The following CSMD1 variants were observed in gnomAD, a reference collection of about 807,000 sequenced individuals.
CSMD1 encodes CUB and sushi domain-containing protein 1.
A neutral mutation model predicts 417.5 loss-of-function variants in CSMD1; 213 were observed. The ratio of observed to expected loss-of-function variants is 0.51; its 90% confidence interval spans 0.46 to 0.57. The LOEUF is 0.57. CSMD1 is among the 20% of genes least tolerant of loss of function. The probability of loss-of-function intolerance (pLI) is 0.00; values close to 1 mark genes in which losing one functional copy is unlikely to be tolerated. For synonymous variants in CSMD1, 2,862 were observed against 1,736.8 expected (o/e 1.65, Z -16.11); for missense variants, 6,923 against 4,529.7 (o/e 1.53, Z -15.17).
intron 1 of CSMD1, among the ~76,000 whole-genome samples, chr8:4,937,376 G>A (rs1418751604): frequency 2.0e-5 from 3 of 152,146 alleles, no homozygotes; most frequent in Non-Finnish European, 4.4e-5. Flanking sequence ...ACTTGATGTA[G>A]TGTATTCTTT....
At chr8:4,161,373 G>C (rs947141742) in intron 3 of CSMD1, among the ~76,000 whole-genome samples, 7 of 152,208 alleles carry the variant, frequency 4.6e-5, no homozygotes, top group Admixed American at 1.3e-4. Context: ...CAGGCTTTCA[G>C]CCACAGAATT....
chr8:3,887,651 C>A (rs1470027112), intron 5 of CSMD1, among the ~76,000 whole-genome samples: 1 of 152,148 alleles, frequency 6.6e-6, no homozygotes, highest in Non-Finnish European at 1.5e-5. Context: ...CTGTTCCACA[C>A]CTAGAGTTAA....
At chr8:4,050,004 G>C (rs899761431) in intron 3 of CSMD1, among the ~76,000 whole-genome samples, 1 of 152,162 alleles carries the variant, frequency 6.6e-6, no homozygotes, top group African/African-American at 2.4e-5. Context: ...TGTTTTAAGG[G>C]CCTTGATGGT....
At chr8:4,164,539 C>G (rs778939018) in intron 3 of CSMD1, among the ~76,000 whole-genome samples, 1 of 152,104 alleles carries the variant, frequency 6.6e-6, no homozygotes, top group East Asian at 1.9e-4. Context: ...TAGATATAAG[C>G]TGTTGTATAA....
intron 2 of CSMD1, among the ~76,000 whole-genome samples, chr8:4,522,263 G>A (rs1585197990): frequency 1.3e-5 from 2 of 152,132 alleles, no homozygotes; most frequent in African/African-American, 4.8e-5. Context: ...CACATAAGAC[G>A]TGACTTGCTC....
intron 37 of CSMD1, among the ~76,000 whole-genome samples, chr8:3,175,671 G>A (rs1563111970): frequency 1.4e-5 from 2 of 140,830 alleles, no homozygotes; most frequent in Admixed American, 6.8e-5. Flanking sequence ...ATAGGCTTCT[G>A]TATCTACGAG....
intron 2 of CSMD1, among the ~76,000 whole-genome samples, chr8:4,443,763 A>T (rs968586785): frequency 6.6e-6 from 1 of 152,176 alleles, no homozygotes. Context: ...AACTATAAAC[A>T]CATTCTATCT....
intron 3 of CSMD1, among the ~76,000 whole-genome samples, chr8:4,308,489 C>T (rs756008604): frequency 3.3e-5 from 5 of 152,110 alleles, no homozygotes; most frequent in Non-Finnish European, 4.4e-5. Context: ...ATGTGAAACA[C>T]GGCAAAAGGC....
At chr8:3,991,316 C>A (rs976402474) in intron 5 of CSMD1, among the ~76,000 whole-genome samples, 1 of 152,154 alleles carries the variant, frequency 6.6e-6, no homozygotes, top group Non-Finnish European at 1.5e-5. Context: ...GGTGGAGGTA[C>A]CTAGGTTGTG....
At position 3,004,525 on chromosome 8, in the gene CSMD1, A is replaced by G. The variant is rs538842778; in HGVS notation, c.8030-4394T>C. 4.6e-5 allele frequency among the ~76,000 whole-genome samples: 7 copies of G among 152,358 alleles called. No homozygotes were observed. The South Asian group carries it at 1.4e-3, about 32-fold the overall frequency. On this transcript the variant is annotated intron_variant, in intron 52 of 69. Coordinates refer to ENST00000635120, the MANE Select transcript of CSMD1 (RefSeq NM_033225.6). ...CTGAGAAGCAAATGGTTGAAGAATT[A>G]GGAAAGAATGCTATGCAACTGTAAA...
At chr8:3,962,087 G>A (rs1266400833) in intron 5 of CSMD1, among the ~76,000 whole-genome samples, 1 of 152,162 alleles carries the variant, frequency 6.6e-6, no homozygotes, top group African/African-American at 2.4e-5. Context: ...GATAACTTGA[G>A]CTTGGACTCA....
At chr8:3,335,817 C>A (rs1585017052) in intron 23 of CSMD1, among the ~76,000 whole-genome samples, 3 of 152,264 alleles carry the variant, frequency 2.0e-5, no homozygotes, top group African/African-American at 7.2e-5. Flanking sequence ...CAGTGCTTTA[C>A]TATTATTTGC....
At chr8:3,451,969 G>C (rs1203660823) in intron 12 of CSMD1, among the ~76,000 whole-genome samples, 2 of 150,482 alleles carry the variant, frequency 1.3e-5, no homozygotes, top group Non-Finnish European at 3.0e-5. Flanking sequence ...TCTTCCATTT[G>C]TTTGTCTCCT....
At chr8:4,402,206 C>T (rs952250025) in intron 3 of CSMD1, among the ~76,000 whole-genome samples, 2 of 152,114 alleles carry the variant, frequency 1.3e-5, no homozygotes, top group Admixed American at 6.6e-5. Flanking sequence ...TTCTGACATC[C>T]CATGCTCTTA....
In CSMD1 at chr8:4,251,677, G is replaced by T. The variant is rs144940041; in HGVS notation, c.415+168276C>A. On this transcript the variant is annotated intron_variant, in intron 3 of 69. Coordinates refer to ENST00000635120, the MANE Select transcript of CSMD1 (RefSeq NM_033225.6). ...TCTCATTTAATAGTCTGGGATTGGTGGGGAGCAAAGACCTTGGACAGTTAA... is the reference window on the plus strand; with the variant it reads ...TCTCATTTAATAGTCTGGGATTGGTTGGGAGCAAAGACCTTGGACAGTTAA... Among the ~76,000 whole-genome samples, 22 of 152,216 alleles carry T rather than the reference G, an allele frequency of 1.4e-4. No homozygotes were observed. In the East Asian group the frequency reaches 4.3e-3, roughly 29 times the overall value.
intron 8 of CSMD1, among the ~76,000 whole-genome samples, chr8:3,609,219 A>T (rs910100486): frequency 1.1e-4 from 16 of 152,320 alleles, no homozygotes; most frequent in African/African-American, 3.8e-4. Context: ...CATAGGCTAC[A>T]TATCCTGTTA....
rs540270848 is a variant in CSMD1 at position 4,216,147 on chromosome 8, T to C, written c.416-184048A>G. Among the ~76,000 whole-genome samples the C allele has an allele frequency of 2.9e-4, 44 of 152,244 alleles. 1 individual carries two copies. The South Asian group carries it at 9.1e-3, about 32-fold the overall frequency. On this transcript the variant is annotated intron_variant, in intron 3 of 69. Transcript: ENST00000635120. ...ACCTGCCTTTTTTATGTAATCCCAT[T>C]TTTTCACAGGACAGGACCAGCCTAT...
At position 3,270,139 on chromosome 8, in the gene CSMD1, TC is replaced by T. The variant is rs373625120; in HGVS notation, c.4153+14004del. Among the ~76,000 whole-genome samples the T allele has an allele frequency of 2.6e-3, 384 of 148,480 alleles. 1 individual carries two copies. Among genetic ancestry groups the T allele is most frequent in the African/African-American group, 9.1e-3 (368 of 40,310 alleles). On this transcript the variant is annotated intron_variant, in intron 26 of 69. Transcript: ENST00000635120. ...GTCTTGGCCCACTGCAACCTCTGCCTCCCGGGTTCAAGCGATTCTCCTACCT... is the reference window on the plus strand; with the variant it reads ...GTCTTGGCCCACTGCAACCTCTGCCTCCGGGTTCAAGCGATTCTCCTACCT...
At chr8:4,769,853 G>A (rs527906204) in intron 1 of CSMD1, among the ~76,000 whole-genome samples, 2 of 152,160 alleles carry the variant, frequency 1.3e-5, no homozygotes, top group South Asian at 2.1e-4. Context: ...TTCTCTTAAA[G>A]AATATATGCA....
Sources: allele counts gnomAD v4.1 joint callset (sites outside exome capture counted in the v4.1 genomes callset), GRCh38; gene constraint gnomAD v4.1.1; transcripts MANE v1.5; gene names NCBI Gene and HGNC (gene_info 2026-07-23, HGNC 2026-07-21).